The following HMOX1 variants were observed in gnomAD, a reference collection of about 807,000 sequenced individuals.
HMOX1 encodes heat shock protein, 32-kD.
HMOX1 carries 22 observed loss-of-function variants against 27.8 expected under a neutral mutation model. The observed-to-expected ratio is 0.79, with a 90% confidence interval of 0.57 to 1.13. HMOX1 has a LOEUF of 1.13. Ranked by LOEUF, HMOX1 falls within the 50% of genes most tolerant of loss-of-function variation. The pLI is 0.00. For missense variants in HMOX1, 379 were observed against 377.7 expected, an observed-to-expected ratio of 1.00 and a Z score of -0.03; for synonymous variants, 153 against 151.6, an observed-to-expected ratio of 1.01 and a Z score of -0.07.
chr22:35,393,799 T>C lies in HMOX1; in HGVS notation c.*201T>C. The C allele has an allele frequency of 1.5e-6, 1 of 650,102 alleles. No homozygotes were observed. Among genetic ancestry groups the C allele is most frequent in the Non-Finnish European group, 2.7e-6 (1 of 364,462 alleles). 40.3% of individuals were successfully genotyped at this position (650,102 alleles called of 1,614,324 possible). ...CCCAACGAAAAGCACATCCAGGCAA[T>C]GGCCTAAACTTCAGAGGGGGCGAAG... On this transcript the variant is annotated 3_prime_UTR_variant, in exon 5 of 5. Coordinates refer to ENST00000216117, the MANE Select transcript of HMOX1 (RefSeq NM_002133.3).
chr22:35,393,733 T>C lies in HMOX1; in HGVS notation c.*135T>C, dbSNP rs779325381. 10 of 1,050,276 alleles carry C rather than the reference T, an allele frequency of 9.5e-6. No homozygotes were observed. The highest frequency in any genetic ancestry group is 1.5e-5 in the Non-Finnish European group (10 of 679,986). The allele number at this position is 1,050,276 out of a possible 1,614,324, so 65.1% of individuals were successfully genotyped here. The stretch of plus-strand genomic sequence containing the variant: ...CAGGGCCTCCAGCCCTCTCACTGTG[T>C]CCCTCTCTCTGGAAAGGAGGAAGGA... On this transcript the variant is annotated 3_prime_UTR_variant, in exon 5 of 5. Transcript: ENST00000216117.
intron 3 of HMOX1, among the ~76,000 whole-genome samples, chr22:35,389,453 C>CTTTCT (rs1569057865): frequency 1.6e-5 from 2 of 123,322 alleles, no homozygotes; most frequent in African/African-American, 3.4e-5. Flanking sequence ...TCTTTCTTTT[C>CTTTCT]TTTCTTTCTT....
At chr22:35,392,221 CAAAA>C (rs35400739) in intron 4 of HMOX1, among the ~76,000 whole-genome samples, 2 of 90,654 alleles carry the variant, frequency 2.2e-5, no homozygotes, top group Non-Finnish European at 4.3e-5. Flanking sequence ...GACTCCATCT[CAAAA>C]AAAAAAAAAA....
At position 35,393,647 on chromosome 22, in the gene HMOX1, CCTT is replaced by C; in HGVS notation, c.*53_*55del. ...GCCATGAACTTTGTCCGGTGGAAGG[CCTT>C]CTTTCTAGAGAGGGAATTCTCTTGG... On this transcript the variant is annotated 3_prime_UTR_variant, in exon 5 of 5. Transcript: ENST00000216117. 1 of 1,612,024 alleles carries C rather than the reference CCTT, an allele frequency of 6.2e-7. No homozygotes were observed. The highest frequency in any genetic ancestry group is 8.5e-7 in the Non-Finnish European group (1 of 1,178,292).
intron 4 of HMOX1, 164 bp downstream of exon 4, chr22:35,390,127 T>C (rs1171720630): frequency 5.9e-6 from 4 of 677,716 alleles, no homozygotes; most frequent in Non-Finnish European, 1.1e-5. Context: ...GTTCTCGCTA[T>C]ATTGCCCAGG....
chr22:35,386,719 C>A lies in HMOX1; in HGVS notation c.179C>A (p.Ala60Asp), dbSNP rs1304906003. ...GCCTCCCTGTACCACATCTATGTGG[C>A]CCTGGAGGAGGAGATTGAGCGCAAC... Reference protein sequence around the residue: ...VMASLYHIYVALEEEIERNKE... With the variant: ...VMASLYHIYVDLEEEIERNKE... The change falls in exon 3 of 5, where the codon GCC (alanine) becomes GAC (aspartate). Residue 60 changes from alanine to aspartate, a missense_variant. By Grantham distance (126) the Ala-to-Asp change is moderately radical. Coordinates refer to ENST00000216117, the MANE Select transcript of HMOX1 (RefSeq NM_002133.3). The A allele has an allele frequency of 6.2e-7, 1 of 1,614,002 alleles. No individual in the cohort carries two copies. The highest frequency in any genetic ancestry group is 2.2e-5 in the East Asian group (1 of 44,886).
At chr22:35,381,836 T>TA (rs1931393867) in intron 1 of HMOX1, among the ~76,000 whole-genome samples, 1 of 152,044 alleles carries the variant, frequency 6.6e-6, no homozygotes, top group Non-Finnish European at 1.5e-5. Context: ...AGCTGGGACT[T>TA]ACAGACATGT....
In HMOX1 at chr22:35,389,395, C is replaced by CTTTCTTTCTTT. The variant is rs1555901605; in HGVS notation, c.637-469_637-468insTTTCTTTCTTT. Among the ~76,000 whole-genome samples the CTTTCTTTCTTT allele has an allele frequency of 1.7e-3, 87 of 51,786 alleles. 2 individuals are homozygous for CTTTCTTTCTTT. Among genetic ancestry groups the CTTTCTTTCTTT allele is most frequent in the East Asian group, 6.1e-3 (11 of 1,802 alleles). The allele number at this position is 51,786 out of a possible 152,430, so 34.0% of individuals were successfully genotyped here. On this transcript the variant is annotated intron_variant, in intron 3 of 4. Coordinates refer to ENST00000216117, the MANE Select transcript of HMOX1 (RefSeq NM_002133.3). ...TCCTTCCTTCCTTCCTTCCTTCCTT[C>CTTTCTTTCTTT]CTTTCTTTCTTTCTTTCTTTCTTTC...
In HMOX1 at chr22:35,389,890, G is replaced by C. The variant is rs769764996; in HGVS notation, c.663G>C (p.Leu221=). ...TCTTTGAGGAGTTGCAGGAGCTGCT[G>C]ACCCATGACACCAAGGACCAGAGCC... ...IQLFEELQEL[L]THDTKDQSPS... Residue 221 remains leucine, a synonymous_variant, in exon 4 of 5, where the codon CTG becomes CTC. Transcript: ENST00000216117. 2 of 1,611,216 alleles carry C rather than the reference G, an allele frequency of 1.2e-6. No individual in the cohort carries two copies. Among genetic ancestry groups the C allele is most frequent in the Non-Finnish European group, 1.7e-6 (2 of 1,179,416 alleles).
chr22:35,381,848 C>T (rs1374635581), intron 1 of HMOX1, among the ~76,000 whole-genome samples: 2 of 152,138 alleles, frequency 1.3e-5, no homozygotes, highest in Admixed American at 1.3e-4. Context: ...CAGACATGTG[C>T]CATTTCTCCT....
intron 2 of HMOX1, 30 bp from the exon 3 acceptor site, chr22:35,386,655 G>C: frequency 1.2e-6 from 2 of 1,613,816 alleles, no homozygotes; most frequent in Non-Finnish European, 1.7e-6. Flanking sequence ...CTATGTGGCT[G>C]GCGGCCTGAC....
intron 2 of HMOX1, among the ~76,000 whole-genome samples, chr22:35,383,598 G>T (rs962362081): frequency 2.0e-5 from 3 of 152,194 alleles, no homozygotes; most frequent in African/African-American, 7.2e-5. Flanking sequence ...CCAGTAAGTG[G>T]AAAAGGCTGA....
intron 4 of HMOX1, 29 bp from the exon 5 acceptor site, chr22:35,393,439 T>C: frequency 6.2e-7 from 1 of 1,614,056 alleles, no homozygotes; most frequent in South Asian, 1.1e-5. Flanking sequence ...GCCCACCTGT[T>C]AATGACCTTG....
At chr22:35,391,373 C>T (rs567638148) in intron 4 of HMOX1, among the ~76,000 whole-genome samples, 142 of 151,646 alleles carry the variant, frequency 9.4e-4, no homozygotes, top group African/African-American at 2.9e-3. Context: ...CTGCAAGCTC[C>T]GCCTCCCAGG....
chr22:35,383,623 G>A (rs951516043), intron 2 of HMOX1, among the ~76,000 whole-genome samples: 19 of 152,156 alleles, frequency 1.2e-4, no homozygotes, highest in African/African-American at 3.4e-4. Flanking sequence ...AACCAAGACC[G>A]ATTTCAGCCT....
chr22:35,385,900 G>A (rs936805962), intron 2 of HMOX1, among the ~76,000 whole-genome samples: 1 of 151,806 alleles, frequency 6.6e-6, no homozygotes, highest in Non-Finnish European at 1.5e-5. Context: ...CAAAGTGCTG[G>A]GATTACAGGC....
intron 3 of HMOX1, among the ~76,000 whole-genome samples, chr22:35,388,831 A>G (rs1313492487): frequency 6.6e-6 from 1 of 151,724 alleles, no homozygotes; most frequent in Non-Finnish European, 1.5e-5. Context: ...AACGGCTCTT[A>G]GTGCCTGACC....
rs781201378 is a variant in HMOX1 at position 35,386,822 on chromosome 22, C to G, written c.282C>G (p.Ala94=). 1 of 1,614,222 alleles carries G rather than the reference C, an allele frequency of 6.2e-7. No individual in the cohort carries two copies. Among genetic ancestry groups the G allele is most frequent in the Admixed American group, 1.7e-5 (1 of 60,030 alleles). Residue 94 remains alanine (A), a synonymous_variant, in exon 3 of 5, where the codon GCC becomes GCG. Coordinates refer to ENST00000216117, the MANE Select transcript of HMOX1 (RefSeq NM_002133.3). ...AGGCTGCCCTGGAGCAGGACCTGGC[C>G]TTCTGGTACGGGCCCCGCTGGCAGG... ...HRKAALEQDL[A]FWYGPRWQEV... is the part of the protein sequence containing the mutation.
At chr22:35,381,815 G>T (rs1849226603) in intron 1 of HMOX1, among the ~76,000 whole-genome samples, 1 of 151,672 alleles carries the variant, frequency 6.6e-6, no homozygotes, top group Admixed American at 6.6e-5. Context: ...TCCCACCTCA[G>T]CCTCCAGAGT....
Sources: allele counts gnomAD v4.1 joint callset (sites outside exome capture counted in the v4.1 genomes callset), GRCh38; gene constraint gnomAD v4.1.1; transcripts MANE v1.5; gene names NCBI Gene and HGNC (gene_info 2026-07-23, HGNC 2026-07-21).